The following PCDH15 variants were observed in gnomAD, a reference collection of about 807,000 sequenced individuals.
PCDH15 encodes the protein protocadherin related 15, also known as protocadherin-15.
In PCDH15, 129 loss-of-function variants were observed where a neutral mutation model predicts 178.5. The ratio of observed to expected loss-of-function variants is 0.72; its 90% CI spans 0.63 to 0.84. The LOEUF (loss-of-function observed/expected upper bound fraction) is 0.84. Ranked by LOEUF, PCDH15 falls within the 40% of genes least tolerant of loss-of-function variation. The pLI, the probability that PCDH15 is intolerant of heterozygous loss-of-function variation, is 0.00. For synonymous variants in PCDH15, 800 were observed against 732.0 expected (o/e 1.09, Z -1.50); for missense variants, 2,230 against 2,099.9 (o/e 1.06, Z -1.21).
intron 25 of PCDH15, among the ~76,000 whole-genome samples, chr10:53,928,000 G>A (rs1464529219): frequency 6.6e-6 from 1 of 152,054 alleles, no homozygotes; most frequent in African/African-American, 2.4e-5. Context: ...TTTAAAAAGA[G>A]AGACTTGTGC....
intron 2 of PCDH15, among the ~76,000 whole-genome samples, chr10:54,582,097 G>T (rs1428744933): frequency 6.6e-6 from 1 of 151,938 alleles, no homozygotes; most frequent in Non-Finnish European, 1.5e-5. Flanking sequence ...TAAAGAGTTT[G>T]CACAGCAATA....
chr10:54,068,944 T>A (rs932140635), intron 17 of PCDH15, among the ~76,000 whole-genome samples: 3 of 152,232 alleles, frequency 2.0e-5, no homozygotes, highest in South Asian at 2.1e-4. Flanking sequence ...GAAATTCAAG[T>A]GCTACTTGAC....
chr10:54,228,014 T>C (rs2053637426), intron 9 of PCDH15, among the ~76,000 whole-genome samples: 1 of 152,154 alleles, frequency 6.6e-6, no homozygotes. Flanking sequence ...TTCCAAACTT[T>C]CTCGCATCTT....
At chr10:55,390,289 T>C (rs535208712) in intron 2 of PCDH15, among the ~76,000 whole-genome samples, 1 of 152,342 alleles carries the variant, frequency 6.6e-6, no homozygotes, top group African/African-American at 2.4e-5. Context: ...CAGTGAATCC[T>C]AATCTTTTTT....
intron 15 of PCDH15, among the ~76,000 whole-genome samples, chr10:54,123,350 A>G (rs921793239): frequency 1.3e-5 from 2 of 152,184 alleles, no homozygotes; most frequent in Non-Finnish European, 2.9e-5. Flanking sequence ...CCATCAAAAA[A>G]TGAGTAAAAG....
At chr10:55,193,478 C>T (rs949013396) in intron 1 of PCDH15, among the ~76,000 whole-genome samples, 2 of 151,944 alleles carry the variant, frequency 1.3e-5, no homozygotes, top group Admixed American at 1.3e-4. Context: ...AAATGCTTTA[C>T]ATTGATTTAA....
At chr10:53,995,883 C>T in intron 20 of PCDH15, 118 bp from the exon 21 acceptor site, 1 of 885,568 alleles carries the variant, frequency 1.1e-6, no homozygotes, top group South Asian at 1.4e-5. Flanking sequence ...AGCCTTCCAT[C>T]CTCTCAATTC....
intron 1 of PCDH15, among the ~76,000 whole-genome samples, chr10:54,769,321 CTTT>C (rs35099531): frequency 2.1e-5 from 3 of 144,116 alleles, no homozygotes; most frequent in East Asian, 2.0e-4. Context: ...TACGCAATGC[CTTT>C]TTTTTTTTTT....
rs534771306 is a variant in PCDH15 at position 54,014,746 on chromosome 10, T to C, written c.2751+5446A>G. ...TTAAGAACGCTTAACAAACTAGGCA[T>C]TGAAGGAACATACTTTAAAATAATA... On this transcript the variant is annotated intron_variant, in intron 20 of 37. Coordinates refer to ENST00000644397, the MANE Select transcript of PCDH15 (RefSeq NM_001384140.1). 2.6e-5 allele frequency among the ~76,000 whole-genome samples: 4 copies of C among 152,204 alleles called. No individual in the cohort carries two copies. In the East Asian group the frequency reaches 5.8e-4, roughly 22 times the overall value.
intron 2 of PCDH15, among the ~76,000 whole-genome samples, chr10:54,539,378 C>A (rs757075450): frequency 6.6e-6 from 1 of 152,020 alleles, no homozygotes; most frequent in Non-Finnish European, 1.5e-5. Flanking sequence ...TAAAAAAGAA[C>A]AAAGAAGGGC....
chr10:54,153,236 C>G lies in PCDH15; in HGVS notation c.1648G>C (p.Val550Leu). ...ATGATGAAGTCTCCCTGAGCCCCAA[C>G]AAGGATTTCATATGTGATCTCCCCA... ...SNGEITYEIL[V>L]GAQGDFIINK... Residue 550 changes from valine (V) to leucine (L), a missense_variant, in exon 14 of 38, where the codon GTT becomes CTT. Coordinates refer to ENST00000644397, the MANE Select transcript of PCDH15 (RefSeq NM_001384140.1). The G allele has an allele frequency of 6.2e-7, 1 of 1,613,858 alleles. No homozygotes were observed. The highest frequency in any genetic ancestry group is 8.5e-7 in the Non-Finnish European group (1 of 1,179,872).
chr10:54,956,303 CAT>C, intron 2 of PCDH15, among the ~76,000 whole-genome samples: 1 of 151,548 alleles, frequency 6.6e-6, no homozygotes, highest in Non-Finnish European at 1.5e-5. Flanking sequence ...AATTATATCA[CAT>C]ATTTTGAGAA....
At chr10:54,612,872 T>C (rs917533165) in intron 2 of PCDH15, among the ~76,000 whole-genome samples, 7 of 151,812 alleles carry the variant, frequency 4.6e-5, no homozygotes, top group African/African-American at 1.7e-4. Context: ...TCCATCTTAA[T>C]ATTTATGTTT....
chr10:54,225,764 G>C (rs2053367630), intron 9 of PCDH15, among the ~76,000 whole-genome samples: 1 of 152,060 alleles, frequency 6.6e-6, no homozygotes, highest in African/African-American at 2.4e-5. Flanking sequence ...TAACGTTTTA[G>C]GGGCATAGAC....
chr10:54,851,469 T>C (rs966603129), intron 3 of PCDH15, among the ~76,000 whole-genome samples: 3 of 151,994 alleles, frequency 2.0e-5, no homozygotes, highest in Non-Finnish European at 4.4e-5. Context: ...AATAGAACTA[T>C]GGAAACTGTC....
chr10:55,192,405 G>C (rs1269659569), intron 1 of PCDH15, among the ~76,000 whole-genome samples: 3 of 151,754 alleles, frequency 2.0e-5, no homozygotes, highest in Non-Finnish European at 4.4e-5. Flanking sequence ...ATATAAAAAA[G>C]TTATTTCTCT....
intron 7 of PCDH15, among the ~76,000 whole-genome samples, chr10:54,327,587 G>C (rs1486177771): frequency 6.6e-6 from 1 of 151,586 alleles, no homozygotes; most frequent in Non-Finnish European, 1.5e-5. Flanking sequence ...ATCTATCTAG[G>C]TATCTATCTA....
chr10:54,045,612 T>C (rs552982525), intron 18 of PCDH15, among the ~76,000 whole-genome samples: 3 of 152,218 alleles, frequency 2.0e-5, no homozygotes, highest in East Asian at 1.9e-4. Flanking sequence ...ATGGGATTTA[T>C]GATAATATGT....
At chr10:54,477,978 A>G (rs1002519724) in intron 3 of PCDH15, among the ~76,000 whole-genome samples, 1 of 152,206 alleles carries the variant, frequency 6.6e-6, no homozygotes, top group Non-Finnish European at 1.5e-5. Context: ...AAAATCTAAC[A>G]CTAATTTCAG....
Sources: gnomAD v4.1 joint callset for allele counts (sites outside exome capture counted in the v4.1 genomes callset) on GRCh38, gnomAD v4.1.1 for gene constraint, MANE v1.5 for transcripts, NCBI Gene and HGNC (gene_info 2026-07-23, HGNC 2026-07-21) for gene names.